Variants in FAF1 observed in about 807,000 individuals in gnomAD.
FAF1 encodes the protein FAS-associated factor 1.
A neutral mutation model predicts 92.5 loss-of-function variants in FAF1; 25 were observed. The ratio of observed to expected loss-of-function variants is 0.27; its 90% CI spans 0.20 to 0.38. The LOEUF is 0.38. FAF1 is among the 10% of genes least tolerant of loss of function. The pLI is 1.00. For missense variants in FAF1, 636 were observed against 793.3 expected, an observed-to-expected ratio of 0.80 and a Z score of 2.38; for synonymous variants, 234 against 273.2, an observed-to-expected ratio of 0.86 and a Z score of 1.42.
chr1:50,862,496 T>A (rs1644444458), intron 1 of FAF1, among the ~76,000 whole-genome samples: 1 of 151,820 alleles, frequency 6.6e-6, no homozygotes, highest in Admixed American at 6.6e-5. Context: ...GATAGAGGAA[T>A]AAGATCTCGT....
chr1:50,466,854 T>A (rs1646503106), intron 18 of FAF1, among the ~76,000 whole-genome samples: 2 of 152,314 alleles, frequency 1.3e-5, no homozygotes, highest in South Asian at 4.1e-4. Flanking sequence ...CATATAGACA[T>A]GGCTTTGTGC....
intron 4 of FAF1, among the ~76,000 whole-genome samples, chr1:50,765,358 A>T (rs1239077272): frequency 6.6e-6 from 1 of 152,228 alleles, no homozygotes; most frequent in Non-Finnish European, 1.5e-5. Flanking sequence ...CCAATACATT[A>T]TCTACAGAAT....
chr1:50,802,330 TC>T (rs1483284399), intron 2 of FAF1, among the ~76,000 whole-genome samples: 2 of 152,132 alleles, frequency 1.3e-5, no homozygotes, highest in East Asian at 3.8e-4. Context: ...CCTCAGGTGA[TC>T]CACCCGCCTC....
At chr1:50,541,988 G>T (rs562053831) in intron 13 of FAF1, among the ~76,000 whole-genome samples, 1 of 152,030 alleles carries the variant, frequency 6.6e-6, no homozygotes, top group Non-Finnish European at 1.5e-5. Context: ...GGTGCAGATC[G>T]CAAAGCACAC....
intron 18 of FAF1, among the ~76,000 whole-genome samples, chr1:50,465,909 G>A (rs995420128): frequency 1.3e-5 from 2 of 152,156 alleles, no homozygotes; most frequent in African/African-American, 2.4e-5. Context: ...AGATGCCAAG[G>A]TAAATGGAAA....
chr1:50,814,449 C>G (rs539848094), intron 2 of FAF1, among the ~76,000 whole-genome samples: 2 of 151,918 alleles, frequency 1.3e-5, no homozygotes, highest in South Asian at 4.2e-4. Flanking sequence ...AAATAAAAAA[C>G]AAACCGACTA....
intron 17 of FAF1, among the ~76,000 whole-genome samples, chr1:50,483,620 G>A (rs1005995216): frequency 3.9e-5 from 6 of 152,112 alleles, no homozygotes; most frequent in African/African-American, 1.4e-4. Flanking sequence ...ATTTTTAAAG[G>A]ATTTATTAAG....
intron 15 of FAF1, among the ~76,000 whole-genome samples, chr1:50,493,250 C>G (rs1159386469): frequency 1.3e-5 from 2 of 152,138 alleles, no homozygotes; most frequent in African/African-American, 4.8e-5. Flanking sequence ...CCAGGCTGGT[C>G]TCGAACTCCT....
chr1:50,959,864 G>C lies in FAF1; in HGVS notation c.-53C>G. The C allele has an allele frequency of 7.0e-7, 1 of 1,422,466 alleles. No homozygotes were observed. 88.1% of individuals were successfully genotyped at this position (1,422,466 alleles called of 1,614,324 possible). On this transcript the variant is annotated 5_prime_UTR_variant, in exon 1 of 19. Transcript: ENST00000396153. ...GAGCGAAGCGCGCACCTGGGAGGCA[G>C]ACGGCACCTCCTGCGACCGTCGCCG...
chr1:50,684,599 A>G (rs1285434245), intron 7 of FAF1, among the ~76,000 whole-genome samples: 2 of 152,134 alleles, frequency 1.3e-5, no homozygotes, highest in Admixed American at 6.6e-5. Context: ...GAGTTTGCCA[A>G]TCTCCATGAG....
chr1:50,673,034 G>A (rs929050525), intron 7 of FAF1, among the ~76,000 whole-genome samples: 1 of 152,094 alleles, frequency 6.6e-6, no homozygotes, highest in African/African-American at 2.4e-5. Context: ...GAAGCAGGTG[G>A]ATTACCTGAG....
At position 50,438,044 on chromosome 1, in the gene FAF1, A is replaced by AAAAT; in HGVS notation, c.*3395_*3396insATTT. 6.6e-6 allele frequency: 1 copy of AAAAT among 151,934 alleles called. No homozygotes were observed. Among genetic ancestry groups the AAAAT allele is most frequent in the Admixed American group, 6.6e-5 (1 of 15,212 alleles). The allele number at this position is 151,934 out of a possible 1,614,324, so 9.4% of individuals were successfully genotyped here. ...TCTCAAAAAAAAAAAAAAAAAAAAA[A>AAAAT]AAAAATTAGAGATTCTTTGTAGACA... On this transcript the variant is annotated 3_prime_UTR_variant, in exon 19 of 19. Coordinates refer to ENST00000396153, the MANE Select transcript of FAF1 (RefSeq NM_007051.3).
At chr1:50,698,948 C>A (rs1484631958) in intron 7 of FAF1, among the ~76,000 whole-genome samples, 1 of 151,848 alleles carries the variant, frequency 6.6e-6, no homozygotes, top group Non-Finnish European at 1.5e-5. Context: ...ATGCAATATG[C>A]CTTTTAAAAT....
At chr1:50,554,813 G>A (rs541820377) in intron 13 of FAF1, among the ~76,000 whole-genome samples, 43 of 152,232 alleles carry the variant, frequency 2.8e-4, no homozygotes, top group African/African-American at 9.9e-4. Context: ...AAATAGGTGA[G>A]TCACTCTCTT....
chr1:50,515,107 G>A (rs1470800649), intron 15 of FAF1, among the ~76,000 whole-genome samples: 2 of 152,160 alleles, frequency 1.3e-5, no homozygotes, highest in Non-Finnish European at 2.9e-5. Flanking sequence ...GATAAGATGA[G>A]TAAGACAGTT....
chr1:50,561,928 C>T (rs753757102), intron 13 of FAF1, among the ~76,000 whole-genome samples: 2 of 151,884 alleles, frequency 1.3e-5, no homozygotes, highest in African/African-American at 2.4e-5. Context: ...ACAGACATAG[C>T]TCCCTCAGGG....
chr1:50,638,759 CAT>C (rs376975855), intron 8 of FAF1, among the ~76,000 whole-genome samples: 45 of 152,172 alleles, frequency 3.0e-4, no homozygotes, highest in African/African-American at 1.0e-3. Context: ...ATTGCTTTTT[CAT>C]AGAGTCCTTC....
At chr1:50,861,538 G>A (rs995039315) in intron 1 of FAF1, among the ~76,000 whole-genome samples, 4 of 151,702 alleles carry the variant, frequency 2.6e-5, no homozygotes, top group Non-Finnish European at 4.4e-5. Flanking sequence ...ACAGACACTG[G>A]AGACTCCAAA....
intron 2 of FAF1, among the ~76,000 whole-genome samples, chr1:50,850,471 A>G (rs1172773086): frequency 2.0e-5 from 3 of 152,208 alleles, no homozygotes; most frequent in Admixed American, 6.5e-5. Flanking sequence ...CTGAAGAATT[A>G]TATTTACCAC....
Sources: gnomAD v4.1 joint callset for allele counts (sites outside exome capture counted in the v4.1 genomes callset) on GRCh38, gnomAD v4.1.1 for gene constraint, MANE v1.5 for transcripts, NCBI Gene and HGNC (gene_info 2026-07-23, HGNC 2026-07-21) for gene names.